PPP3CA: variants seen among roughly 807,000 people sequenced by gnomAD.
PPP3CA encodes the protein protein phosphatase 3 catalytic subunit alpha, also known as CAM-PRP catalytic subunit.
A neutral mutation model predicts 66.5 loss-of-function variants in PPP3CA; 14 were observed. The observed-to-expected ratio is 0.21, with a 90% CI of 0.14 to 0.33. PPP3CA has a LOEUF of 0.33. Ranked by LOEUF, PPP3CA falls within the 10% of genes least tolerant of loss-of-function variation. The pLI, the probability that PPP3CA is intolerant of heterozygous loss-of-function variation, is 1.00. For synonymous variants in PPP3CA, 232 were observed against 226.2 expected (o/e 1.03, Z -0.23); for missense variants, 317 against 639.5 (o/e 0.50, Z 5.44).
intron 10 of PPP3CA, among the ~76,000 whole-genome samples, chr4:101,056,220 T>C (rs1051365460): frequency 1.3e-5 from 2 of 152,170 alleles, no homozygotes; most frequent in African/African-American, 4.8e-5. Context: ...CCTATATCAA[T>C]AGGCTGTTTT....
At chr4:101,170,786 C>A (rs2110315016) in intron 2 of PPP3CA, among the ~76,000 whole-genome samples, 1 of 152,194 alleles carries the variant, frequency 6.6e-6, no homozygotes, top group South Asian at 2.1e-4. Context: ...CTTATCTGTT[C>A]CCCAAATATC....
rs114704319 is a variant in PPP3CA, at chr4:101,292,887, A to G, written c.58+53852T>C. 5.1e-3 allele frequency among the ~76,000 whole-genome samples: 776 copies of G among 152,368 alleles called. 9 individuals carry two copies. The highest frequency in any genetic ancestry group is 0.013 in the African/African-American group (533 of 41,580). ...AATCTAGTTTGTATTGTTTTTCCAC[A>G]TGACAATCTTATGTACTATATCACA... is the stretch of plus-strand genomic sequence containing the variant. On this transcript the variant is annotated intron_variant, in intron 1 of 13. Transcript: ENST00000394854.
chr4:101,175,673 T>C (rs1724037374), intron 2 of PPP3CA, among the ~76,000 whole-genome samples: 1 of 152,198 alleles, frequency 6.6e-6, no homozygotes, highest in Non-Finnish European at 1.5e-5. Flanking sequence ...AAGATGTGTA[T>C]GCCTGAGTCT....
At chr4:101,232,219 T>A (rs372987607) in intron 1 of PPP3CA, among the ~76,000 whole-genome samples, 1 of 151,566 alleles carries the variant, frequency 6.6e-6, no homozygotes, top group South Asian at 2.1e-4. Flanking sequence ...AAGAAAAAAA[T>A]TGCTGTCAGT....
chr4:101,320,905 G>A (rs542894730), intron 1 of PPP3CA, among the ~76,000 whole-genome samples: 33 of 152,006 alleles, frequency 2.2e-4, no homozygotes, highest in Non-Finnish European at 3.5e-4. Flanking sequence ...GGTTAAATCC[G>A]GATCTACAAG....
intron 8 of PPP3CA, among the ~76,000 whole-genome samples, chr4:101,079,944 G>A (rs1306390981): frequency 6.6e-6 from 1 of 152,160 alleles, no homozygotes. Context: ...CTAATTAAGT[G>A]ACCTTGGACA....
intron 2 of PPP3CA, among the ~76,000 whole-genome samples, chr4:101,168,255 T>C (rs1723756795): frequency 6.6e-6 from 1 of 152,072 alleles, no homozygotes. Flanking sequence ...GTCAAGAATA[T>C]AGTTGTGTGT....
At chr4:101,082,969 AGATGTAAGAACTTTAC>A (rs1471566244) in intron 7 of PPP3CA, among the ~76,000 whole-genome samples, 1 of 152,200 alleles carries the variant, frequency 6.6e-6, no homozygotes. Flanking sequence ...TTCAGGCTAA[AGATGTAAGAACTTTAC>A]GGGAGACTGT....
At chr4:101,188,341 T>C (rs916980701) in intron 2 of PPP3CA, among the ~76,000 whole-genome samples, 1 of 152,122 alleles carries the variant, frequency 6.6e-6, no homozygotes, top group Non-Finnish European at 1.5e-5. Flanking sequence ...GTTAATCATT[T>C]GAGGCTTCCC....
intron 1 of PPP3CA, among the ~76,000 whole-genome samples, chr4:101,222,410 T>C (rs1021516114): frequency 1.3e-5 from 2 of 151,648 alleles, no homozygotes; most frequent in African/African-American, 2.4e-5. Flanking sequence ...TCAATAACAA[T>C]GGTATGCCAT....
chr4:101,327,310 G>GA (rs954494963), intron 1 of PPP3CA, among the ~76,000 whole-genome samples: 1 of 151,938 alleles, frequency 6.6e-6, no homozygotes, highest in Non-Finnish European at 1.5e-5. Flanking sequence ...TCTTCCATAA[G>GA]AAAAAATTCT....
intron 1 of PPP3CA, among the ~76,000 whole-genome samples, chr4:101,223,109 TC>T (rs1725675300): frequency 6.6e-6 from 1 of 151,662 alleles, no homozygotes; most frequent in Admixed American, 6.6e-5. Context: ...CTCCTGCACT[TC>T]CCCCATGAAG....
At chr4:101,156,372 C>T (rs931866271) in intron 2 of PPP3CA, among the ~76,000 whole-genome samples, 4 of 152,016 alleles carry the variant, frequency 2.6e-5, no homozygotes, top group Admixed American at 1.3e-4. Flanking sequence ...CAGAATAAAG[C>T]ACAGCAATAG....
At chr4:101,235,431 T>A (rs369890552) in intron 1 of PPP3CA, among the ~76,000 whole-genome samples, 2 of 148,162 alleles carry the variant, frequency 1.3e-5, no homozygotes, top group Non-Finnish European at 3.0e-5. Flanking sequence ...AAACATACAC[T>A]CACACACACA....
chr4:101,070,675 C>T (rs1728878404), intron 8 of PPP3CA, among the ~76,000 whole-genome samples: 1 of 152,094 alleles, frequency 6.6e-6, no homozygotes, highest in African/African-American at 2.4e-5. Context: ...TATTTTGTCC[C>T]TGAGAAATGT....
chr4:101,334,437 G>T (rs751304086), intron 1 of PPP3CA, among the ~76,000 whole-genome samples: 1 of 151,866 alleles, frequency 6.6e-6, no homozygotes, highest in Admixed American at 6.6e-5. Flanking sequence ...CCCAACCCCC[G>T]AGTGACAATT....
intron 1 of PPP3CA, among the ~76,000 whole-genome samples, chr4:101,270,435 C>T (rs1469600193): frequency 1.3e-5 from 2 of 152,034 alleles, no homozygotes; most frequent in African/African-American, 4.8e-5. Flanking sequence ...TGCATGATGC[C>T]ATACGTTCCT....
At chr4:101,216,426 C>T (rs1315561093) in intron 1 of PPP3CA, among the ~76,000 whole-genome samples, 5 of 152,116 alleles carry the variant, frequency 3.3e-5, no homozygotes, top group Non-Finnish European at 5.9e-5. Flanking sequence ...ATTTCACCAG[C>T]AGATCACGAG....
intron 1 of PPP3CA, among the ~76,000 whole-genome samples, chr4:101,346,204 G>A (rs1283003170): frequency 6.6e-5 from 10 of 151,976 alleles, no homozygotes; most frequent in Non-Finnish European, 1.2e-4. Context: ...GGAGGGGGAG[G>A]GGGGCGCGGA....
Sources: gnomAD v4.1 joint callset for allele counts (sites outside exome capture counted in the v4.1 genomes callset) on GRCh38, gnomAD v4.1.1 for gene constraint, MANE v1.5 for transcripts, NCBI Gene and HGNC (gene_info 2026-07-23, HGNC 2026-07-21) for gene names.